Variants in TOP2B observed in about 807,000 individuals in gnomAD.
The protein encoded by TOP2B is DNA topoisomerase II beta, also known as DNA topoisomerase 2-beta.
In TOP2B, 51 loss-of-function variants were observed where a neutral mutation model predicts 193.5. That is an observed-to-expected ratio of 0.26 (90% CI 0.21 to 0.33). The LOEUF (loss-of-function observed/expected upper bound fraction) is 0.33, where lower values mean the gene tolerates loss of function less well. Among genes scored for constraint, TOP2B ranks in the 10% least tolerant of loss-of-function variants. The probability of loss-of-function intolerance (pLI) is 1.00; values close to 1 mark genes in which losing one functional copy is unlikely to be tolerated. For missense variants in TOP2B, 1,378 were observed against 1,909.3 expected (o/e 0.72, Z 5.19); for synonymous variants, 634 against 635.7 (o/e 1.00, Z 0.04).
At position 25,606,107 on chromosome 3, in the gene TOP2B, G is replaced by T. The variant is rs944696965; in HGVS notation, c.4314C>A (p.Asp1438Glu). Residue 1438 changes from aspartate to glutamate, a missense_variant, in exon 32 of 36, where the codon GAC becomes GAA. Around this residue, in one of 9 missense-constraint regions of TOP2B, gnomAD observed 556 missense variants for 584.2 expected, o/e 0.95. Transcript: ENST00000264331. ...SKATPEKSLH[D>E]KKSQDFGNLF... is the part of the protein sequence containing the mutation. ...GATTTCCAAAATCCTGACTTTTTTT[G>T]TCATGCAAAGATTTTCTATTAGAAA... 75 of 1,492,326 alleles carry T rather than the reference G, an allele frequency of 5.0e-5. 1 individual carries two copies. Among genetic ancestry groups the T allele is most frequent in the Admixed American group, 1.5e-4 (7 of 48,012 alleles). The allele number at this position is 1,492,326 out of a possible 1,614,324, so 92.4% of individuals were successfully genotyped here.
chr3:25,608,729 A>G (rs1415224535), intron 30 of TOP2B, among the ~76,000 whole-genome samples: 1 of 152,326 alleles, frequency 6.6e-6, no homozygotes, highest in South Asian at 2.1e-4. Flanking sequence ...CTATATTATT[A>G]TAACAGCAAA....
Position 25,664,660 on chromosome 3 carries a change from C to A in TOP2B, c.-363G>T, listed in dbSNP as rs1010786716. ...CGGGCGTGCGAGCCGCGAGGGCGGC[C>A]GGGGAGCCCGAGGCGCTCGGACGTG... On this transcript the variant is annotated 5_prime_UTR_variant, in exon 1 of 36. Transcript: ENST00000264331. The A allele has an allele frequency of 4.1e-6, 4 of 984,584 alleles. No individual in the cohort carries two copies. Among genetic ancestry groups the A allele is most frequent in the Non-Finnish European group, 4.8e-6 (4 of 829,684 alleles). 61.0% of individuals were successfully genotyped at this position (984,584 alleles called of 1,614,324 possible).
At chr3:25,645,165 C>A (rs1266998623) in intron 2 of TOP2B, 135 bp downstream of exon 2, 1 of 837,284 alleles carries the variant, frequency 1.2e-6, no homozygotes, top group East Asian at 2.7e-5. Context: ...ACTTCTAGAT[C>A]TTTCACCCTA....
chr3:25,664,634 C>T lies in TOP2B; in HGVS notation c.-337G>A, dbSNP rs1213680668. ...GCGCCGCTGCAGGCCGGGCTGAAGC[C>T]CGGGCGTGCGAGCCGCGAGGGCGGC... On this transcript the variant is annotated 5_prime_UTR_variant, in exon 1 of 36. Coordinates refer to ENST00000264331, the MANE Select transcript of TOP2B (RefSeq NM_001330700.2). The T allele has an allele frequency of 2.4e-5, 24 of 990,450 alleles. No homozygotes were observed. The highest frequency in any genetic ancestry group is 1.2e-4 in the Admixed American group (2 of 16,330). The allele number at this position is 990,450 out of a possible 1,614,324, so 61.4% of individuals were successfully genotyped here.
intron 13 of TOP2B, among the ~76,000 whole-genome samples, chr3:25,629,721 T>G (rs953499160): frequency 6.6e-6 from 1 of 152,188 alleles, no homozygotes. Context: ...CATGCCATCA[T>G]GTATAAATAT....
intron 15 of TOP2B, among the ~76,000 whole-genome samples, chr3:25,627,926 T>G (rs1329461096): frequency 6.6e-6 from 1 of 151,814 alleles, no homozygotes; most frequent in East Asian, 1.9e-4. Flanking sequence ...CCAGGCATAG[T>G]GGCACATGCC....
chr3:25,644,926 G>C (rs1336979960), intron 2 of TOP2B, among the ~76,000 whole-genome samples: 1 of 151,518 alleles, frequency 6.6e-6, no homozygotes, highest in African/African-American at 2.4e-5. Context: ...CTCCTGAGTA[G>C]CTGGGACTAC....
intron 1 of TOP2B, among the ~76,000 whole-genome samples, chr3:25,657,159 TTA>T (rs1353067130): frequency 6.6e-6 from 1 of 152,186 alleles, no homozygotes; most frequent in African/African-American, 2.4e-5. Flanking sequence ...CCTGAGACTT[TTA>T]TATGTTTTTG....
chr3:25,631,077 T>A, intron 10 of TOP2B, 138 bp from the exon 11 acceptor site: 2 of 590,316 alleles, frequency 3.4e-6, no homozygotes, highest in Non-Finnish European at 5.4e-6. Context: ...GTGATAAGCA[T>A]CATGATACAT....
rs111418967 is a variant in TOP2B, at chr3:25,630,257, G to A, written c.1563+55C>T. 71 of 1,526,782 alleles carry A rather than the reference G, an allele frequency of 4.7e-5. 1 individual carries two copies. The African/African-American group carries it at 6.7e-4, about 14-fold the overall frequency. 94.6% of individuals were successfully genotyped at this position (1,526,782 alleles called of 1,614,324 possible). The stretch of plus-strand genomic sequence containing the variant: ...AGAAGTTTAGTAAAGTATTAGAAAT[G>A]TCATATGTATGTGTGCATGTGTGTA... On this transcript the variant is annotated intron_variant, in intron 12 of 35. Transcript: ENST00000264331.
At chr3:25,663,328 G>T (rs183925942) in intron 1 of TOP2B, among the ~76,000 whole-genome samples, 1 of 152,132 alleles carries the variant, frequency 6.6e-6, no homozygotes, top group Non-Finnish European at 1.5e-5. Context: ...ACCGTCAAAA[G>T]TCCAGAAAAA....
intron 1 of TOP2B, among the ~76,000 whole-genome samples, chr3:25,647,679 A>G (rs1265713066): frequency 6.6e-6 from 1 of 151,902 alleles, no homozygotes; most frequent in Non-Finnish European, 1.5e-5. Flanking sequence ...AACTTTTTCC[A>G]CACTTCCTTA....
intron 27 of TOP2B, among the ~76,000 whole-genome samples, chr3:25,613,022 C>A (rs1332396833): frequency 1.3e-5 from 2 of 152,066 alleles, no homozygotes; most frequent in African/African-American, 4.8e-5. Flanking sequence ...CCTCTGATAA[C>A]CTAGTATCAT....
chr3:25,616,890 A>C (rs1702519726), intron 25 of TOP2B, among the ~76,000 whole-genome samples: 1 of 152,078 alleles, frequency 6.6e-6, no homozygotes, highest in African/African-American at 2.4e-5. Context: ...AAATTAAAAA[A>C]AAAAATAAAC....
chr3:25,653,826 C>T (rs1296218508), intron 1 of TOP2B, among the ~76,000 whole-genome samples: 1 of 152,146 alleles, frequency 6.6e-6, no homozygotes, highest in African/African-American at 2.4e-5. Flanking sequence ...CATTGTACTA[C>T]ACTATATTAA....
At chr3:25,649,533 TA>T (rs1025973873) in intron 1 of TOP2B, among the ~76,000 whole-genome samples, 72 of 151,586 alleles carry the variant, frequency 4.7e-4, no homozygotes, top group African/African-American at 1.6e-3. Flanking sequence ...GAGCTTCTGT[TA>T]GATTACTAGC....
At chr3:25,646,247 T>C (rs766402886) in intron 1 of TOP2B, among the ~76,000 whole-genome samples, 2 of 152,192 alleles carry the variant, frequency 1.3e-5, no homozygotes, top group African/African-American at 2.4e-5. Context: ...CTACACAAAA[T>C]ATTAACCTAT....
chr3:25,664,779 C>A lies in TOP2B; in HGVS notation c.-482G>T. ...GTCGTCCCGGTCGCCGCCGCTGCTT[C>A]AAAGGCAGCCTTAGCCTCGCTGCAG... On this transcript the variant is annotated 5_prime_UTR_variant, in exon 1 of 36. Coordinates refer to ENST00000264331, the MANE Select transcript of TOP2B (RefSeq NM_001330700.2). 1.0e-6 allele frequency: 1 copy of A among 986,708 alleles called. No individual in the cohort carries two copies. Among genetic ancestry groups the A allele is most frequent in the Non-Finnish European group, 1.2e-6 (1 of 828,966 alleles). The allele number at this position is 986,708 out of a possible 1,614,324, so 61.1% of individuals were successfully genotyped here.
In TOP2B at chr3:25,634,794, A is replaced by C. The variant is rs984794877; in HGVS notation, c.853-780T>G. ...CTCCCTTACCAAAAAAAAAAAAAAA[A>C]AAACCAAAAAAAGGCTTATTCTGCA... On this transcript the variant is annotated intron_variant, in intron 7 of 35. Coordinates refer to ENST00000264331, the MANE Select transcript of TOP2B (RefSeq NM_001330700.2). Among the ~76,000 whole-genome samples, 112 of 127,616 alleles carry C rather than the reference A, an allele frequency of 8.8e-4. 1 individual carries two copies. The highest frequency in any genetic ancestry group is 3.2e-3 in the South Asian group (13 of 4,006). The allele number at this position is 127,616 out of a possible 152,430, so 83.7% of individuals were successfully genotyped here.
Sources: allele counts gnomAD v4.1 joint callset (sites outside exome capture counted in the v4.1 genomes callset), GRCh38; gene constraint gnomAD v4.1.1; regional missense constraint gnomAD v4.1.1; transcripts MANE v1.5; gene names NCBI Gene and HGNC (gene_info 2026-07-23, HGNC 2026-07-21).